Variants in ENAH observed in about 807,000 individuals in gnomAD.
The protein encoded by ENAH is protein enabled homolog.
In ENAH, 23 loss-of-function variants were observed where a neutral mutation model predicts 78.7. The ratio of observed to expected loss-of-function variants is 0.29; its 90% CI spans 0.21 to 0.41. The LOEUF is 0.41. ENAH is among the 10% of genes least tolerant of loss of function. ENAH has a pLI of 1.00. For synonymous variants in ENAH, 226 were observed against 241.0 expected (o/e 0.94, Z 0.58); for missense variants, 544 against 691.0 (o/e 0.79, Z 2.39).
chr1:225,514,336 T>G (rs1448251853), intron 7 of ENAH, among the ~76,000 whole-genome samples: 1 of 151,904 alleles, frequency 6.6e-6, no homozygotes, highest in Non-Finnish European at 1.5e-5. Context: ...TGGCTAAGTT[T>G]TGTATTTTTA....
intron 1 of ENAH, among the ~76,000 whole-genome samples, chr1:225,593,361 C>T (rs532526144): frequency 2.5e-4 from 33 of 130,970 alleles, no homozygotes; most frequent in African/African-American, 8.0e-4. Flanking sequence ...ACAGTGTGCT[C>T]CATATGCTTG....
chr1:225,542,969 T>C (rs2096596813), intron 3 of ENAH, among the ~76,000 whole-genome samples: 1 of 151,370 alleles, frequency 6.6e-6, no homozygotes, highest in Non-Finnish European at 1.5e-5. Context: ...CAGTGAGTTA[T>C]GATCGCACCA....
intron 1 of ENAH, among the ~76,000 whole-genome samples, chr1:225,589,240 T>C (rs1015213474): frequency 1.3e-5 from 2 of 152,120 alleles, no homozygotes; most frequent in Non-Finnish European, 2.9e-5. Context: ...GGAGTTTGAG[T>C]TACACGTTTG....
intron 11 of ENAH, among the ~76,000 whole-genome samples, chr1:225,507,048 T>G (rs563404860): frequency 6.6e-6 from 1 of 152,176 alleles, no homozygotes; most frequent in African/African-American, 2.4e-5. Flanking sequence ...CAAGAAAAGG[T>G]TTCATCTATG....
chr1:225,618,552 G>A (rs74994487), intron 1 of ENAH, among the ~76,000 whole-genome samples: 84 of 152,184 alleles, frequency 5.5e-4, no homozygotes, highest in African/African-American at 1.8e-3. Context: ...TCACTAATAC[G>A]TAGTTCACTG....
At chr1:225,518,475 A>G (rs1025637340) in intron 5 of ENAH, among the ~76,000 whole-genome samples, 5 of 152,206 alleles carry the variant, frequency 3.3e-5, no homozygotes, top group South Asian at 2.1e-4. Context: ...TTTGTTGGCC[A>G]TAACTCCAGA....
intron 3 of ENAH, among the ~76,000 whole-genome samples, chr1:225,532,273 ATTAT>A (rs1236679439): frequency 6.6e-6 from 1 of 152,100 alleles, no homozygotes; most frequent in African/African-American, 2.4e-5. Flanking sequence ...GTAGCATGAA[ATTAT>A]TTAGGGAATG....
chr1:225,571,707 G>A (rs757838771), intron 1 of ENAH, among the ~76,000 whole-genome samples: 10 of 152,164 alleles, frequency 6.6e-5, no homozygotes, highest in African/African-American at 1.2e-4. Context: ...ACTAGAGATC[G>A]AGTTCAATCA....
chr1:225,594,551 C>A (rs1367172952), intron 1 of ENAH, among the ~76,000 whole-genome samples: 1 of 152,172 alleles, frequency 6.6e-6, no homozygotes, highest in Non-Finnish European at 1.5e-5. Context: ...ACTCCTACCA[C>A]GGCATGATCC....
chr1:225,644,711 A>G (rs991680217), intron 1 of ENAH, among the ~76,000 whole-genome samples: 3 of 152,194 alleles, frequency 2.0e-5, no homozygotes, highest in Non-Finnish European at 2.9e-5. Flanking sequence ...CCTCTAAGGC[A>G]CAGTTAAAGG....
intron 4 of ENAH, among the ~76,000 whole-genome samples, chr1:225,526,259 T>G (rs1293047061): frequency 6.6e-6 from 1 of 152,192 alleles, no homozygotes; most frequent in Non-Finnish European, 1.5e-5. Context: ...TGCCACCTCT[T>G]TGTTTTAGGA....
At chr1:225,566,313 C>T (rs2096734823) in intron 2 of ENAH, among the ~76,000 whole-genome samples, 1 of 151,988 alleles carries the variant, frequency 6.6e-6, no homozygotes. Context: ...AGCCCAACCT[C>T]TCGTAGGCCC....
chr1:225,503,720 G>A (rs1349964596), intron 11 of ENAH, among the ~76,000 whole-genome samples: 1 of 138,508 alleles, frequency 7.2e-6, no homozygotes, highest in Non-Finnish European at 1.5e-5. Flanking sequence ...ATTTTGTGAA[G>A]ATTTAACTGG....
chr1:225,611,049 T>A (rs1281159244), intron 1 of ENAH, among the ~76,000 whole-genome samples: 1 of 152,226 alleles, frequency 6.6e-6, no homozygotes, highest in East Asian at 1.9e-4. Context: ...TTGACGCTGT[T>A]CTGGGTCAGG....
rs1265563055 is a variant in ENAH, at chr1:225,489,549, CCTT to C, written c.*8223_*8225del. On this transcript the variant is annotated 3_prime_UTR_variant, in exon 14 of 14. Coordinates refer to ENST00000366843, the MANE Select transcript of ENAH (RefSeq NM_018212.6). ...AGAGCCAAACTCAGATCTTTTTTCT[CCTT>C]CTCTTCAAAGATCAAAAGAAGAATA... 2 of 151,982 alleles carry C rather than the reference CCTT, an allele frequency of 1.3e-5. No individual in the cohort carries two copies. The highest frequency in any genetic ancestry group is 4.8e-5 in the African/African-American group (2 of 41,370). The allele number at this position is 151,982 out of a possible 1,614,324, so 9.4% of individuals were successfully genotyped here.
chr1:225,539,055 G>C (rs1274830983), intron 3 of ENAH, among the ~76,000 whole-genome samples: 1 of 152,196 alleles, frequency 6.6e-6, no homozygotes, highest in Non-Finnish European at 1.5e-5. Flanking sequence ...CTGGCAGAAT[G>C]CTACTTTAAC....
intron 1 of ENAH, among the ~76,000 whole-genome samples, chr1:225,641,131 G>A (rs563524416): frequency 8.0e-4 from 122 of 151,636 alleles, no homozygotes; most frequent in African/African-American, 2.8e-3. Flanking sequence ...CCAAAGTGCT[G>A]GGATTACAGG....
intron 3 of ENAH, among the ~76,000 whole-genome samples, chr1:225,548,967 G>A (rs140030121): frequency 1.6e-3 from 237 of 150,892 alleles, no homozygotes; most frequent in African/African-American, 5.2e-3. Flanking sequence ...CTCCTGCATC[G>A]GCCTCCCGAG....
chr1:225,553,060 G>T (rs894572878), intron 3 of ENAH, among the ~76,000 whole-genome samples: 3 of 151,892 alleles, frequency 2.0e-5, no homozygotes, highest in African/African-American at 7.2e-5. Flanking sequence ...ATGGTGAAAC[G>T]CCATCTCTAT....
Sources: allele counts gnomAD v4.1 joint callset (sites outside exome capture counted in the v4.1 genomes callset), GRCh38; gene constraint gnomAD v4.1.1; transcripts MANE v1.5; gene names NCBI Gene and HGNC (gene_info 2026-07-23, HGNC 2026-07-21).